Variants in PDIA5 observed in about 807,000 individuals in gnomAD.
PDIA5 encodes the protein protein disulfide isomerase family A member 5.
In PDIA5, 58 loss-of-function variants were observed where a neutral mutation model predicts 77.6. That is an observed-to-expected ratio of 0.75 (90% confidence interval 0.61 to 0.93). PDIA5 has a LOEUF of 0.93. PDIA5 is among the 40% of genes least tolerant of loss of function. The pLI is 0.00. For missense variants in PDIA5, 630 were observed against 647.7 expected (o/e 0.97, Z 0.30); for synonymous variants, 250 against 252.1 (o/e 0.99, Z 0.08).
At chr3:123,088,089 C>T (rs1292424925) in intron 1 of PDIA5, among the ~76,000 whole-genome samples, 1 of 152,162 alleles carries the variant, frequency 6.6e-6, no homozygotes, top group Non-Finnish European at 1.5e-5. Flanking sequence ...ATCCTCCCAC[C>T]CTCTGCCGGG....
chr3:123,102,661 C>A, intron 4 of PDIA5, 90 bp from the exon 5 acceptor site: 1 of 1,199,322 alleles, frequency 8.3e-7, no homozygotes, highest in Non-Finnish European at 1.2e-6. Flanking sequence ...CGTTCAAAAG[C>A]TGAATCTTAT....
At chr3:123,112,534 CTTTTTTTTTTT>C (rs55977938) in intron 7 of PDIA5, among the ~76,000 whole-genome samples, 2 of 61,454 alleles carry the variant, frequency 3.3e-5, no homozygotes, top group Non-Finnish European at 5.5e-5. Flanking sequence ...CAGCCCTATT[CTTTTTTTTTTT>C]TTTTTTTTTT....
intron 1 of PDIA5, among the ~76,000 whole-genome samples, chr3:123,085,810 A>C (rs1934123695): frequency 6.6e-6 from 1 of 152,244 alleles, no homozygotes; most frequent in Admixed American, 6.5e-5. Context: ...TCCGCTGGTC[A>C]GATTATCTGA....
chr3:123,160,059 T>C (rs1349182272), intron 15 of PDIA5, among the ~76,000 whole-genome samples: 3 of 152,242 alleles, frequency 2.0e-5, no homozygotes, highest in African/African-American at 7.2e-5. Context: ...TCTAAAATGA[T>C]CTAATTTGTC....
intron 11 of PDIA5, among the ~76,000 whole-genome samples, chr3:123,143,259 C>A (rs1372155147): frequency 6.6e-6 from 1 of 151,972 alleles, no homozygotes; most frequent in South Asian, 2.1e-4. Flanking sequence ...GTGGCACATG[C>A]CTGTAGTCCC....
intron 4 of PDIA5, 121 bp from the exon 5 acceptor site, chr3:123,102,630 T>A: frequency 7.2e-5 from 75 of 1,045,666 alleles, no homozygotes; most frequent in Non-Finnish European, 1.0e-4. Context: ...ATTATTTCTT[T>A]TAAAAAAAAA....
rs545937849 is a variant in PDIA5, at chr3:123,156,932, G to A, written c.1344+1891G>A. Among the ~76,000 whole-genome samples the A allele has an allele frequency of 5.9e-5, 9 of 152,300 alleles. No individual in the cohort carries two copies. The East Asian group carries it at 7.7e-4, about 13-fold the overall frequency. On this transcript the variant is annotated intron_variant, in intron 15 of 16. Transcript: ENST00000316218. Reference sequence around the variant, plus strand: ...AGGCCAGACTTGCCAGGCCTCCAGCGGGCAGCTGAGAGCCCACGTCTTCTC... The same window carrying A: ...AGGCCAGACTTGCCAGGCCTCCAGCAGGCAGCTGAGAGCCCACGTCTTCTC...
chr3:123,121,477 C>A (rs1411988448), intron 8 of PDIA5, among the ~76,000 whole-genome samples: 1 of 152,184 alleles, frequency 6.6e-6, no homozygotes, highest in African/African-American at 2.4e-5. Context: ...TGTAGTTTTT[C>A]AAAAATTTTT....
At chr3:123,161,174 G>A (rs540189686) in intron 15 of PDIA5, 147 bp from the exon 16 acceptor site, 2 of 766,754 alleles carry the variant, frequency 2.6e-6, no homozygotes, top group Non-Finnish European at 4.3e-6. Context: ...TCCTGAGCTG[G>A]GGGTGCTTTG....
intron 3 of PDIA5, among the ~76,000 whole-genome samples, chr3:123,094,358 A>C (rs751131993): frequency 1.3e-4 from 20 of 152,364 alleles, no homozygotes; most frequent in Non-Finnish European, 2.8e-4. Context: ...AATTAGAGTC[A>C]GGGTGCAATC....
At chr3:123,152,560 T>G (rs1453460425) in intron 14 of PDIA5, among the ~76,000 whole-genome samples, 2 of 152,210 alleles carry the variant, frequency 1.3e-5, no homozygotes, top group African/African-American at 2.4e-5. Flanking sequence ...TGGCATATAC[T>G]ATATACTTTT....
At chr3:123,143,056 C>A (rs952095119) in intron 11 of PDIA5, among the ~76,000 whole-genome samples, 11 of 151,580 alleles carry the variant, frequency 7.3e-5, no homozygotes, top group African/African-American at 2.2e-4. Context: ...TGGGGAGGTA[C>A]AAGGTAAAAA....
At chr3:123,100,261 C>T (rs1163277865) in intron 3 of PDIA5, among the ~76,000 whole-genome samples, 4 of 152,258 alleles carry the variant, frequency 2.6e-5, no homozygotes, top group Non-Finnish European at 4.4e-5. Context: ...GACCCACCAC[C>T]TGTCCATGCA....
intron 8 of PDIA5, among the ~76,000 whole-genome samples, chr3:123,122,292 C>T (rs1935138007): frequency 6.6e-6 from 1 of 152,074 alleles, no homozygotes; most frequent in Non-Finnish European, 1.5e-5. Context: ...AAAAAAAGGA[C>T]TTTTAAAGAA....
At chr3:123,117,728 G>A (rs1056722200) in intron 8 of PDIA5, among the ~76,000 whole-genome samples, 2 of 151,990 alleles carry the variant, frequency 1.3e-5, no homozygotes, top group African/African-American at 4.8e-5. Flanking sequence ...CTCATCTGTT[G>A]ATGAGTTGCT....
intron 6 of PDIA5, among the ~76,000 whole-genome samples, chr3:123,108,488 C>T (rs897655535): frequency 6.6e-6 from 1 of 150,946 alleles, no homozygotes; most frequent in Non-Finnish European, 1.5e-5. Flanking sequence ...CCATGTTGGT[C>T]AGGCTGGTCT....
chr3:123,131,921 A>G (rs1225883255), intron 11 of PDIA5, among the ~76,000 whole-genome samples: 2 of 152,090 alleles, frequency 1.3e-5, no homozygotes, highest in East Asian at 1.9e-4. Context: ...TCAGTGCCTC[A>G]TGGAGCAGGG....
intron 2 of PDIA5, among the ~76,000 whole-genome samples, chr3:123,091,954 C>G (rs1006086202): frequency 1.7e-4 from 26 of 152,218 alleles, no homozygotes; most frequent in African/African-American, 6.3e-4. Flanking sequence ...ACATCATTCC[C>G]TGCTTTAGTT....
At chr3:123,139,327 C>T (rs780732405) in intron 11 of PDIA5, among the ~76,000 whole-genome samples, 23 of 152,270 alleles carry the variant, frequency 1.5e-4, no homozygotes, top group Non-Finnish European at 2.6e-4. Flanking sequence ...ATCCATCACC[C>T]ACGGCTCCCC....
Sources: gnomAD v4.1 joint callset for allele counts (sites outside exome capture counted in the v4.1 genomes callset) on GRCh38, gnomAD v4.1.1 for gene constraint, MANE v1.5 for transcripts, NCBI Gene and HGNC (gene_info 2026-07-23, HGNC 2026-07-21) for gene names.